KIAA1671: variants seen among roughly 807,000 people sequenced by gnomAD.
The protein encoded by KIAA1671 is KIAA1671, also known as uncharacterized protein KIAA1671.
A neutral mutation model predicts 131.2 loss-of-function variants in KIAA1671; 52 were observed. That is an observed-to-expected ratio of 0.40 (90% CI 0.32 to 0.50). The LOEUF (loss-of-function observed/expected upper bound fraction) is 0.50. Ranked by LOEUF, KIAA1671 falls within the 20% of genes least tolerant of loss-of-function variation. The pLI is 0.73. For missense variants in KIAA1671, 2,360 were observed against 2,364.2 expected, an observed-to-expected ratio of 1.00 and a Z score of 0.04; for synonymous variants, 1,003 against 961.6, an observed-to-expected ratio of 1.04 and a Z score of -0.80.
chr22:25,006,115 T>A (rs1227087904), intron 1 of KIAA1671, among the ~76,000 whole-genome samples: 1 of 152,180 alleles, frequency 6.6e-6, no homozygotes, highest in Non-Finnish European at 1.5e-5. Context: ...CATTGCAACC[T>A]CCATCTCCTA....
rs548929513 is a variant in KIAA1671, at chr22:25,133,496, C to T, written c.4531-37324C>T. 2.0e-3 allele frequency among the ~76,000 whole-genome samples: 307 copies of T among 152,286 alleles called. 3 individuals carry two copies. In the South Asian group the frequency reaches 0.031, roughly 15 times the overall value. On this transcript the variant is annotated intron_variant, in intron 6 of 12. Coordinates refer to ENST00000358431, the MANE Select transcript of KIAA1671 (RefSeq NM_001145206.2). ...GCTTCCATCAAAAGACTCTGTTCTT[C>T]GAATTGTCTTTATATAGTCAATGTT...
intron 1 of KIAA1671, 124 bp from the exon 2 acceptor site, chr22:25,025,509 A>T (rs1925899152): frequency 6.6e-6 from 1 of 152,182 alleles, no homozygotes; most frequent in Non-Finnish European, 1.5e-5. Context: ...AGCCAAAAGG[A>T]GCATACGTTT....
intron 6 of KIAA1671, among the ~76,000 whole-genome samples, chr22:25,118,715 C>T (rs1340870505): frequency 1.3e-5 from 2 of 152,110 alleles, no homozygotes; most frequent in East Asian, 3.9e-4. Context: ...CCCTGCCTCA[C>T]CCCAGACTTA....
chr22:25,024,813 T>A (rs1369837267), intron 1 of KIAA1671, among the ~76,000 whole-genome samples: 1 of 152,116 alleles, frequency 6.6e-6, no homozygotes, highest in Admixed American at 6.6e-5. Context: ...GGGCTTACCA[T>A]TGAATGGGAG....
chr22:24,997,487 G>C (rs932134270), intron 1 of KIAA1671, among the ~76,000 whole-genome samples: 1 of 152,090 alleles, frequency 6.6e-6, no homozygotes, highest in Non-Finnish European at 1.5e-5. Context: ...CTGACATGTC[G>C]ATGTCCGGGA....
rs1328765109 is a variant in KIAA1671 at position 25,190,804 on chromosome 22, G to A, written c.*4+20G>A. 1 of 1,502,884 alleles carries A rather than the reference G, an allele frequency of 6.7e-7. No homozygotes were observed. Among genetic ancestry groups the A allele is most frequent in the Admixed American group, 2.0e-5 (1 of 50,926 alleles). 93.1% of individuals were successfully genotyped at this position (1,502,884 alleles called of 1,614,324 possible). A position where few individuals can be genotyped will look rare whatever the true frequency, so the allele number is the denominator to read the frequency against. ...GACCAGGTATGAAGGGGCTCTGTTGGGGAACCTGGGAAGAGCCCTGCAGTC... is the reference window on the plus strand; with the variant it reads ...GACCAGGTATGAAGGGGCTCTGTTGAGGAACCTGGGAAGAGCCCTGCAGTC... On this transcript the variant is annotated intron_variant, in intron 12 of 12. Transcript: ENST00000358431.
At chr22:25,156,471 T>C (rs911960549) in intron 6 of KIAA1671, among the ~76,000 whole-genome samples, 1 of 152,114 alleles carries the variant, frequency 6.6e-6, no homozygotes, top group African/African-American at 2.4e-5. Context: ...CATGTTTGTG[T>C]GCATTTGTGT....
intron 11 of KIAA1671, 41 bp downstream of exon 11, chr22:25,185,160 C>T (rs542883740): frequency 2.0e-6 from 3 of 1,513,678 alleles, no homozygotes; most frequent in South Asian, 1.3e-5. Context: ...TCCTTCCAAA[C>T]TCAGGCTATA....
rs1568951523 is a variant in KIAA1671, at chr22:25,093,824, T to TTCTCTCTC, written c.4530+44462_4530+44469dup. Among the ~76,000 whole-genome samples the TTCTCTCTC allele has an allele frequency of 2.2e-3, 49 of 21,944 alleles. 3 individuals carry two copies. The highest frequency in any genetic ancestry group is 3.1e-3 in the Non-Finnish European group (37 of 12,040). The allele number at this position is 21,944 out of a possible 152,430, so 14.4% of individuals were successfully genotyped here. A position where few individuals can be genotyped will look rare whatever the true frequency, so the allele number is the denominator to read the frequency against. ...TCTCTCTCTCTCTGTCTCTCTCTCT[T>TTCTCTCTC]TCTCTCTCTGTCTGTCTCTCTCTCT... On this transcript the variant is annotated intron_variant, in intron 6 of 12. Transcript: ENST00000358431.
intron 1 of KIAA1671, among the ~76,000 whole-genome samples, chr22:25,001,565 G>A (rs1330902181): frequency 6.6e-6 from 1 of 152,172 alleles, no homozygotes; most frequent in Non-Finnish European, 1.5e-5. Flanking sequence ...GACTGGGGTG[G>A]GGGAGATTGG....
chr22:25,103,515 C>A (rs560662220), intron 6 of KIAA1671, among the ~76,000 whole-genome samples: 1 of 152,286 alleles, frequency 6.6e-6, no homozygotes, highest in South Asian at 2.1e-4. Context: ...CCTGCCACCA[C>A]GCCCAGCTAA....
Position 25,029,076 on chromosome 22 carries a change from T to C in KIAA1671, c.1077T>C (p.Leu359=). The change falls in exon 3 of 13, where the codon CTT becomes CTC. Residue 359 remains leucine (L), a synonymous_variant. Transcript: ENST00000358431. ...TCCGTGAACGGAAGGAGAAGATGCT[T>C]TCGAAGCCGGAGATGGGCAGCCCCA... ...KKIRERKEKM[L]SKPEMGSPRA... The C allele has an allele frequency of 6.7e-7, 1 of 1,497,718 alleles. No homozygotes were observed. Among genetic ancestry groups the C allele is most frequent in the South Asian group, 1.3e-5 (1 of 74,698 alleles). 92.8% of individuals were successfully genotyped at this position (1,497,718 alleles called of 1,614,324 possible).
At chr22:25,123,204 T>G (rs932075558) in intron 6 of KIAA1671, among the ~76,000 whole-genome samples, 35 of 142,530 alleles carry the variant, frequency 2.5e-4, no homozygotes, top group African/African-American at 7.8e-4. Flanking sequence ...TTTTTTTTTT[T>G]TTTTTTTTTT....
Position 25,029,176 on chromosome 22 carries a change from G to A in KIAA1671, c.1177G>A (p.Asp393Asn), listed in dbSNP as rs1280771406. The A allele has an allele frequency of 2.1e-6, 3 of 1,456,164 alleles. No homozygotes were observed. Among genetic ancestry groups the A allele is most frequent in the Admixed American group, 5.6e-5 (2 of 35,488 alleles). 90.2% of individuals were successfully genotyped at this position (1,456,164 alleles called of 1,614,324 possible). A position where few individuals can be genotyped will look rare whatever the true frequency, so the allele number is the denominator to read the frequency against. The change falls in exon 3 of 13, where the codon GAC (aspartate) becomes AAC (asparagine). Residue 393 changes from aspartate to asparagine, a missense_variant. Coordinates refer to ENST00000358431, the MANE Select transcript of KIAA1671 (RefSeq NM_001145206.2). The stretch of plus-strand genomic sequence containing the variant: ...TCCCTGGGAAGAAAAGGCCAAGCTG[G>A]ACCCAGAGCCAGAGAAGGCTGCTGA... ...QSPWEEKAKLDPEPEKAAESP... is the reference protein window; with the variant it reads ...QSPWEEKAKLNPEPEKAAESP...
rs111404801 is a variant in KIAA1671 at position 24,988,389 on chromosome 22, C to T, written c.-208+35617C>T. 8.6e-3 allele frequency among the ~76,000 whole-genome samples: 1,306 copies of T among 152,060 alleles called. 11 individuals are homozygous for T. The highest frequency in any genetic ancestry group is 0.014 in the Non-Finnish European group (941 of 67,990). The stretch of plus-strand genomic sequence containing the variant: ...GACCCCCGCTCAGTGGGAAGGATTC[C>T]CATTTTTGCTTCATATGATCCTTTG... On this transcript the variant is annotated intron_variant, in intron 1 of 12. Transcript: ENST00000358431.
intron 1 of KIAA1671, among the ~76,000 whole-genome samples, chr22:25,017,678 G>C (rs1292776963): frequency 6.6e-6 from 1 of 152,162 alleles, no homozygotes; most frequent in African/African-American, 2.4e-5. Flanking sequence ...TAGGATGATT[G>C]AATAATTTAT....
chr22:25,139,167 T>A (rs951853195), intron 6 of KIAA1671, among the ~76,000 whole-genome samples: 3 of 152,230 alleles, frequency 2.0e-5, no homozygotes, highest in Admixed American at 2.0e-4. Context: ...GCTTGGAAGA[T>A]ATTTATAGAA....
chr22:25,111,544 G>A (rs1385629513), intron 6 of KIAA1671, among the ~76,000 whole-genome samples: 3 of 152,240 alleles, frequency 2.0e-5, no homozygotes, highest in Non-Finnish European at 4.4e-5. Context: ...GGCTGCCTCC[G>A]GAAGTGAGCT....
At position 25,038,846 on chromosome 22, in the gene KIAA1671, G is replaced by A. The variant is rs1270006660; in HGVS notation, c.1716G>A (p.Thr572=). 7 of 1,551,744 alleles carry A rather than the reference G, an allele frequency of 4.5e-6. No homozygotes were observed. Among genetic ancestry groups the A allele is most frequent in the South Asian group, 1.2e-5 (1 of 84,034 alleles). The change falls in exon 5 of 13, where the codon ACG becomes ACA. Residue 572 remains threonine (T), a synonymous_variant. Transcript: ENST00000358431. ...CACTCCGGGATAAGTCCAGGCAGAC[G>A]GAGCAGAAGGTTAGCTCTAACCAAG... ...PGTLRDKSRQ[T]EQKVSSNQDP... is the part of the protein sequence containing the mutation.
Sources: gnomAD v4.1 joint callset for allele counts (sites outside exome capture counted in the v4.1 genomes callset) on GRCh38, gnomAD v4.1.1 for gene constraint, MANE v1.5 for transcripts, NCBI Gene and HGNC (gene_info 2026-07-23, HGNC 2026-07-21) for gene names.